GPC5: variants seen among roughly 807,000 people sequenced by gnomAD.
GPC5 encodes glypican 5, also known as glypican-5.
Under a neutral mutation model 53.9 loss-of-function variants are expected in GPC5, and 47 were observed. The ratio of observed to expected loss-of-function variants is 0.87; its 90% CI spans 0.69 to 1.11. GPC5 has a LOEUF of 1.11. GPC5 is among the 50% of genes most tolerant of loss of function. The probability of loss-of-function intolerance (pLI) is 0.00; values close to 1 mark genes in which losing one functional copy is unlikely to be tolerated. For synonymous variants in GPC5, 286 were observed against 263.3 expected, an observed-to-expected ratio of 1.09 and a Z score of -0.84; for missense variants, 748 against 713.1, an observed-to-expected ratio of 1.05 and a Z score of -0.56.
At chr13:92,508,600 C>G (rs1367931492) in intron 7 of GPC5, among the ~76,000 whole-genome samples, 6 of 152,092 alleles carry the variant, frequency 3.9e-5, no homozygotes, top group Non-Finnish European at 7.3e-5. Flanking sequence ...AATAGAGAAG[C>G]TGCTATTGGC....
chr13:91,541,046 A>G (rs1382931940), intron 2 of GPC5, among the ~76,000 whole-genome samples: 1 of 152,138 alleles, frequency 6.6e-6, no homozygotes, highest in Non-Finnish European at 1.5e-5. Flanking sequence ...ATTATATCTC[A>G]AAAAATGTTA....
Position 91,964,026 on chromosome 13 carries a change from G to A in GPC5, c.1401+55969G>A, listed in dbSNP as rs9589382. ...GAATTGGTGGGTTCTTGGTCTCGCC[G>A]ACTTCAAGAATGAAGCCATGGACTC... On this transcript the variant is annotated intron_variant, in intron 6 of 7. Transcript: ENST00000377067. Among the ~76,000 whole-genome samples, 267 of 152,192 alleles carry A rather than the reference G, an allele frequency of 1.8e-3. 1 individual carries two copies. The highest frequency in any genetic ancestry group is 5.5e-3 in the African/African-American group (227 of 41,534).
At chr13:92,799,794 C>T (rs1876834289) in intron 7 of GPC5, among the ~76,000 whole-genome samples, 1 of 151,746 alleles carries the variant, frequency 6.6e-6, no homozygotes, top group Non-Finnish European at 1.5e-5. Flanking sequence ...CTATCAGTCG[C>T]TTTTCTCCTT....
At chr13:92,838,944 C>T (rs963873352) in intron 7 of GPC5, among the ~76,000 whole-genome samples, 4 of 152,212 alleles carry the variant, frequency 2.6e-5, no homozygotes, top group East Asian at 1.9e-4. Flanking sequence ...AATACTCATA[C>T]TTGGCAATTC....
chr13:91,938,425 T>G lies in GPC5; in HGVS notation c.1401+30368T>G, dbSNP rs535206131. On this transcript the variant is annotated intron_variant, in intron 6 of 7. Coordinates refer to ENST00000377067, the MANE Select transcript of GPC5 (RefSeq NM_004466.6). ...GCTATTCATGAAGCATCCACCCTCA[T>G]GACCCAAACACTTCCGACCCGGCCC... 3.7e-4 allele frequency among the ~76,000 whole-genome samples: 57 copies of G among 152,232 alleles called. 1 individual carries two copies. The highest frequency in any genetic ancestry group is 1.3e-3 in the African/African-American group (53 of 41,554).
At chr13:92,541,209 G>C (rs965343904) in intron 7 of GPC5, among the ~76,000 whole-genome samples, 7 of 151,792 alleles carry the variant, frequency 4.6e-5, no homozygotes, top group Admixed American at 1.3e-4. Flanking sequence ...TGAAATGCGT[G>C]TAAGGTGGTA....
chr13:91,525,792 C>T (rs1209017595), intron 2 of GPC5, among the ~76,000 whole-genome samples: 2 of 152,102 alleles, frequency 1.3e-5, no homozygotes, highest in Non-Finnish European at 2.9e-5. Flanking sequence ...TAATGTCGCA[C>T]TTAGCAGTTA....
intron 7 of GPC5, among the ~76,000 whole-genome samples, chr13:92,282,273 G>T (rs1427041787): frequency 7.9e-5 from 12 of 152,182 alleles, no homozygotes; most frequent in Admixed American, 7.9e-4. Flanking sequence ...ACATCTGATT[G>T]GTGTCCCTGA....
chr13:92,302,120 C>T (rs1164747757), intron 7 of GPC5, among the ~76,000 whole-genome samples: 1 of 151,844 alleles, frequency 6.6e-6, no homozygotes, highest in Non-Finnish European at 1.5e-5. Flanking sequence ...GAGTTTTTGC[C>T]CCTGGACAAT....
chr13:91,765,560 C>A (rs1477048898), intron 5 of GPC5, among the ~76,000 whole-genome samples: 1 of 152,172 alleles, frequency 6.6e-6, no homozygotes, highest in African/African-American at 2.4e-5. Flanking sequence ...CTGCAATAGA[C>A]CTTGAATGGA....
At chr13:92,438,890 A>C (rs562691362) in intron 7 of GPC5, among the ~76,000 whole-genome samples, 2 of 152,222 alleles carry the variant, frequency 1.3e-5, no homozygotes, top group African/African-American at 4.8e-5. Context: ...CTTGGAAGAG[A>C]AAGTAAGCAT....
At chr13:91,660,511 T>A (rs533209987) in intron 2 of GPC5, among the ~76,000 whole-genome samples, 2 of 152,288 alleles carry the variant, frequency 1.3e-5, no homozygotes, top group Non-Finnish European at 2.9e-5. Context: ...TTGTAGAAGA[T>A]CCTCAGCTGA....
rs1485058372 is a variant in GPC5, at chr13:91,571,904, T to TACGTGTGTGTG, written c.326-121283_326-121282insACGTGTGTGTG. Among the ~76,000 whole-genome samples, 594 of 62,690 alleles carry TACGTGTGTGTG rather than the reference T, an allele frequency of 9.5e-3. 100 individuals are homozygous for TACGTGTGTGTG. The highest frequency in any genetic ancestry group is 0.02 in the African/African-American group (219 of 10,972). The allele number at this position is 62,690 out of a possible 152,430, so 41.1% of individuals were successfully genotyped here. On this transcript the variant is annotated intron_variant, in intron 2 of 7. Transcript: ENST00000377067. ...ACATATACGTGTGTATATACACATA[T>TACGTGTGTGTG]TGTATATATACACATATTGTATATA...
At chr13:91,735,843 G>A (rs931308175) in intron 4 of GPC5, among the ~76,000 whole-genome samples, 3 of 151,244 alleles carry the variant, frequency 2.0e-5, no homozygotes, top group Non-Finnish European at 4.4e-5. Flanking sequence ...CCCAGAGGAG[G>A]CATTCTTGAT....
intron 2 of GPC5, among the ~76,000 whole-genome samples, chr13:91,599,833 T>G (rs1368356699): frequency 1.3e-5 from 2 of 152,230 alleles, no homozygotes; most frequent in Admixed American, 1.3e-4. Context: ...GATGATGTGG[T>G]CTGTCAAAAC....
At chr13:91,979,105 G>C (rs188740941) in intron 6 of GPC5, among the ~76,000 whole-genome samples, 4 of 152,262 alleles carry the variant, frequency 2.6e-5, no homozygotes, top group African/African-American at 9.6e-5. Flanking sequence ...TAATGCTTTT[G>C]TTATGAGATG....
chr13:92,421,377 G>T (rs1453007265), intron 7 of GPC5, among the ~76,000 whole-genome samples: 1 of 152,126 alleles, frequency 6.6e-6, no homozygotes, highest in African/African-American at 2.4e-5. Flanking sequence ...TTGTTATAAA[G>T]AAATGCCTGA....
chr13:92,097,032 C>T (rs2041427549), intron 6 of GPC5, among the ~76,000 whole-genome samples: 1 of 152,152 alleles, frequency 6.6e-6, no homozygotes, highest in Non-Finnish European at 1.5e-5. Context: ...ACTAAAGCAC[C>T]TAAACAATTC....
chr13:92,774,716 C>G (rs964125038), intron 7 of GPC5, among the ~76,000 whole-genome samples: 1 of 152,086 alleles, frequency 6.6e-6, no homozygotes, highest in African/African-American at 2.4e-5. Context: ...GTATTAAGAA[C>G]AAGACAAAAT....
Sources: allele counts gnomAD v4.1 joint callset (sites outside exome capture counted in the v4.1 genomes callset), GRCh38; gene constraint gnomAD v4.1.1; transcripts MANE v1.5; gene names NCBI Gene and HGNC (gene_info 2026-07-23, HGNC 2026-07-21).